Variants in LAT2 observed in about 807,000 individuals in gnomAD.
The protein encoded by LAT2 is linker for activation of T-cells family member 2.
In LAT2, 23 loss-of-function variants were observed where a neutral mutation model predicts 43.4. The observed-to-expected ratio is 0.53, with a 90% confidence interval of 0.38 to 0.75. The LOEUF (loss-of-function observed/expected upper bound fraction) is 0.75, where lower values mean the gene tolerates loss of function less well. LAT2 is among the 30% of genes least tolerant of loss of function. The pLI is 0.00. For missense variants in LAT2, 284 were observed against 310.2 expected (o/e 0.92, Z 0.64); for synonymous variants, 128 against 123.2 (o/e 1.04, Z -0.26).
chr7:74,213,710 A>T (rs938313231), intron 1 of LAT2, among the ~76,000 whole-genome samples: 1 of 152,154 alleles, frequency 6.6e-6, no homozygotes, highest in South Asian at 2.1e-4. Flanking sequence ...GGCGTGAGCC[A>T]CCACGCCCTG....
At chr7:74,223,890 T>C (rs2116181822) in intron 11 of LAT2, 107 bp downstream of exon 11, 1 of 1,486,296 alleles carries the variant, frequency 6.7e-7, no homozygotes, top group Middle Eastern at 2.1e-4. Context: ...CTTTGAAGCC[T>C]GAAGGCTCTC....
At chr7:74,224,543 G>A in intron 12 of LAT2, 96 bp from the exon 13 acceptor site, 1 of 1,052,462 alleles carries the variant, frequency 9.5e-7, no homozygotes, top group Non-Finnish European at 1.4e-6. Flanking sequence ...TTTCCCGCGG[G>A]CTGTTTTGTG....
Position 74,223,708 on chromosome 7 carries a change from CCT to C in LAT2, c.389-8_389-7del, listed in dbSNP as rs781977576. The C allele has an allele frequency of 1.5e-5, 24 of 1,611,968 alleles. No individual in the cohort carries two copies. The East Asian group carries it at 4.0e-4, about 27-fold the overall frequency. ...GTCTGCCCACACCCCCGTGCCCACT[CCT>C]CTCTCTCCTGCAGATGATGATGCCA... On this transcript the variant is annotated splice_polypyrimidine_tract_variant and intron_variant, in intron 10 of 13. Transcript: ENST00000460943.
intron 1 of LAT2, among the ~76,000 whole-genome samples, chr7:74,212,341 C>T (rs1392313559): frequency 2.0e-5 from 3 of 151,682 alleles, no homozygotes; most frequent in Non-Finnish European, 2.9e-5. Context: ...AGTGCACTGG[C>T]GTGATCTCAG....
At chr7:74,226,100 CA>C (rs1390916867) in intron 13 of LAT2, 1 of 151,300 alleles carries the variant, frequency 6.6e-6, no homozygotes, top group Non-Finnish European at 1.5e-5. Context: ...AGTTTGAGGC[CA>C]GCCTGGGCAA....
chr7:74,217,549 C>G (rs1802089730), intron 4 of LAT2, among the ~76,000 whole-genome samples: 1 of 152,228 alleles, frequency 6.6e-6, no homozygotes, highest in Non-Finnish European at 1.5e-5. Flanking sequence ...ATGCAAGAGA[C>G]AGAGAACCCG....
At chr7:74,228,854 A>T (rs1038192360) in intron 13 of LAT2, 90 bp from the exon 14 acceptor site, 1 of 152,178 alleles carries the variant, frequency 6.6e-6, no homozygotes, top group Non-Finnish European at 1.5e-5. Context: ...GGCAGGCTCA[A>T]TGGTGTCCCC....
chr7:74,224,085 T>C lies in LAT2; in HGVS notation c.516T>C (p.Thr172=). The C allele has an allele frequency of 6.2e-7, 1 of 1,614,124 alleles. No individual in the cohort carries two copies. Among genetic ancestry groups the C allele is most frequent in the Non-Finnish European group, 8.5e-7 (1 of 1,179,984 alleles). ...GDLSLSLALK[T]GPTSGLCPSA... is the part of the protein sequence containing the mutation. ...TCAGCCTGTCACTGGCCCTGAAGAC[T>C]GGCCCCACTTCTGGTCTCTGTCCCT... is the stretch of plus-strand genomic sequence containing the variant. Residue 172 remains threonine (T), a synonymous_variant, in exon 12 of 14, where the codon ACT becomes ACC. Coordinates refer to ENST00000460943, the MANE Select transcript of LAT2 (RefSeq NM_032464.3).
At chr7:74,224,889 C>T in intron 13 of LAT2, 129 bp downstream of exon 13, 1 of 658,580 alleles carries the variant, frequency 1.5e-6, no homozygotes. Context: ...CAGGGTGCAC[C>T]CATGGGTGCT....
At chr7:74,216,985 C>G in intron 4 of LAT2, 121 bp downstream of exon 4, 1 of 803,526 alleles carries the variant, frequency 1.2e-6, no homozygotes, top group South Asian at 1.5e-5. Context: ...GTGCCAAGTT[C>G]TAGTGGGTCC....
chr7:74,224,034 C>A lies in LAT2; in HGVS notation c.465C>A (p.Gly155=), dbSNP rs1554715691. Residue 155 remains glycine (G), a synonymous_variant, in exon 12 of 14, where the codon GGC becomes GGA. Transcript: ENST00000460943. ...KTTETGAQQE[G]IGGLCRGDLS... The stretch of plus-strand genomic sequence containing the variant: ...TCTCTGCAGGTGCCCAGCAGGAGGG[C>A]ATAGGTGGCCTCTGCAGAGGGGACC... 1 of 1,613,836 alleles carries A rather than the reference C, an allele frequency of 6.2e-7. No homozygotes were observed. Among genetic ancestry groups the A allele is most frequent in the Non-Finnish European group, 8.5e-7 (1 of 1,179,970 alleles).
Position 74,219,757 on chromosome 7 carries a change from C to G in LAT2, c.148C>G (p.Gln50Glu), listed in dbSNP as rs1554714791. The G allele has an allele frequency of 6.2e-7, 1 of 1,614,172 alleles. No homozygotes were observed. The highest frequency in any genetic ancestry group is 8.5e-7 in the Non-Finnish European group (1 of 1,180,026). Residue 50 changes from glutamine to glutamate, a missense_variant, in exon 5 of 14, where the codon CAG (glutamine) becomes GAG (glutamate). Gln to Glu is a conservative substitution (Grantham distance 29, BLOSUM62 2). Coordinates refer to ENST00000460943, the MANE Select transcript of LAT2 (RefSeq NM_032464.3). ...ATGCATTTCCAGGCGTGAGGACCAA[C>G]AGAGCTTTACGGGGTCCCGGACCTA... ...YQQRSLREDQ[Q>E]SFTGSRTYSL...
intron 9 of LAT2, 50 bp from the exon 10 acceptor site, chr7:74,221,587 C>A (rs375717585): frequency 4.6e-6 from 7 of 1,527,702 alleles, no homozygotes; most frequent in South Asian, 1.1e-5. Flanking sequence ...GCCCCCAACC[C>A]GATCTCCAGC....
rs1162652021 is a variant in LAT2, at chr7:74,214,776, AAT to A, written c.-218-31_-218-30del. On this transcript the variant is annotated intron_variant, in intron 1 of 13. Transcript: ENST00000460943. ...ATATATATATAAACATATATATATA[AAT>A]ATATATATATATATTTTTTTTTTTT... 17 of 60,928 alleles carry A rather than the reference AAT, an allele frequency of 2.8e-4. 1 individual carries two copies. The highest frequency in any genetic ancestry group is 1.1e-3 in the African/African-American group (12 of 11,174). 3.8% of individuals were successfully genotyped at this position (60,928 alleles called of 1,614,324 possible).
rs560682345 is a variant in LAT2 at position 74,217,402 on chromosome 7, G to C, written c.134+538G>C. On this transcript the variant is annotated intron_variant, in intron 4 of 13. Coordinates refer to ENST00000460943, the MANE Select transcript of LAT2 (RefSeq NM_032464.3). ...GCCGAGATTGTGCCACTGCACTCCAGCCTGGGCAAAAAAGCAAGATTCCGT... is the reference window on the plus strand; with the variant it reads ...GCCGAGATTGTGCCACTGCACTCCACCCTGGGCAAAAAAGCAAGATTCCGT... Among the ~76,000 whole-genome samples, 10 of 151,888 alleles carry C rather than the reference G, an allele frequency of 6.6e-5. No homozygotes were observed. In the South Asian group the frequency reaches 2.1e-3, roughly 32 times the overall value.
At position 74,223,799 on chromosome 7, in the gene LAT2, C is replaced by T; in HGVS notation, c.448+16C>T. On this transcript the variant is annotated intron_variant, in intron 11 of 13. Coordinates refer to ENST00000460943, the MANE Select transcript of LAT2 (RefSeq NM_032464.3). The stretch of plus-strand genomic sequence containing the variant: ...ACAGAGACAGGTGAGGCTGCCCAGC[C>T]AGAGGCAGGCTGGGGCTGGGAGCAG... 2 of 1,612,726 alleles carry T rather than the reference C, an allele frequency of 1.2e-6. No homozygotes were observed. The highest frequency in any genetic ancestry group is 2.2e-5 in the South Asian group (2 of 91,038).
Position 74,220,813 on chromosome 7 carries a change from GC to G in LAT2, c.332+83del. ...CTCCCCCTGCCCCACCTCTCCCCCT[GC>G]CCCACCTGCCTGCCACAGCCCTGGG... On this transcript the variant is annotated intron_variant, in intron 9 of 13. Coordinates refer to ENST00000460943, the MANE Select transcript of LAT2 (RefSeq NM_032464.3). This position sits in a 1 kb window ranked among gnomAD's most constrained non-coding sequence, Gnocchi z 4.5. 1 of 1,156,626 alleles carries G rather than the reference GC, an allele frequency of 8.6e-7. No individual in the cohort carries two copies. Among genetic ancestry groups the G allele is most frequent in the Non-Finnish European group, 1.1e-6 (1 of 872,242 alleles). The allele number at this position is 1,156,626 out of a possible 1,614,324, so 71.6% of individuals were successfully genotyped here.
At chr7:74,227,955 C>T (rs1188170515) in intron 13 of LAT2, among the ~76,000 whole-genome samples, 2 of 151,200 alleles carry the variant, frequency 1.3e-5, no homozygotes, top group African/African-American at 4.9e-5. Context: ...GCAGGCTGAT[C>T]ACCTGAGGTC....
chr7:74,219,211 T>G (rs1802165397), intron 4 of LAT2, among the ~76,000 whole-genome samples: 1 of 151,972 alleles, frequency 6.6e-6, no homozygotes, highest in South Asian at 2.1e-4. Flanking sequence ...TAATTTTTTG[T>G]ATTTTTAGTA....
Sources: gnomAD v4.1 joint callset for allele counts (sites outside exome capture counted in the v4.1 genomes callset) on GRCh38, gnomAD v4.1.1 for gene constraint, Gnocchi (gnomAD v3.1) non-coding constraint, MANE v1.5 for transcripts, NCBI Gene and HGNC (gene_info 2026-07-23, HGNC 2026-07-21) for gene names.